Variants in SUPT3H observed in about 807,000 individuals in gnomAD.
SUPT3H encodes the protein SPT3 homolog, SAGA and STAGA complex component.
A neutral mutation model predicts 44.3 loss-of-function variants in SUPT3H; 44 were observed. The observed-to-expected ratio is 0.99, with a 90% CI of 0.78 to 1.28. The LOEUF (loss-of-function observed/expected upper bound fraction) is 1.28. Ranked by LOEUF, SUPT3H falls within the 50% of genes most tolerant of loss-of-function variation. The pLI, the probability that SUPT3H is intolerant of heterozygous loss-of-function variation, is 0.00. For synonymous variants in SUPT3H, 124 were observed against 125.6 expected, an observed-to-expected ratio of 0.99 and a Z score of 0.09; for missense variants, 380 against 387.1, an observed-to-expected ratio of 0.98 and a Z score of 0.15.
At chr6:44,892,232 A>T (rs1355773000) in intron 10 of SUPT3H, among the ~76,000 whole-genome samples, 1 of 152,260 alleles carries the variant, frequency 6.6e-6, no homozygotes, top group East Asian at 1.9e-4. Context: ...GGAGATAGTT[A>T]TAGTTAAATG....
At chr6:45,113,211 C>A (rs540176032) in intron 2 of SUPT3H, among the ~76,000 whole-genome samples, 4 of 151,958 alleles carry the variant, frequency 2.6e-5, no homozygotes, top group Admixed American at 1.3e-4. Flanking sequence ...GAATACCAGG[C>A]TACAGCCCTA....
intron 2 of SUPT3H, among the ~76,000 whole-genome samples, chr6:45,209,857 T>A (rs1456306610): frequency 6.6e-6 from 1 of 152,166 alleles, no homozygotes; most frequent in East Asian, 1.9e-4. Flanking sequence ...CATTGTTGTC[T>A]TATTTGAAGA....
chr6:45,247,690 A>ATT (rs10673729), intron 2 of SUPT3H, among the ~76,000 whole-genome samples: 42,225 of 144,688 alleles, frequency 0.29, 7,574 homozygotes, highest in East Asian at 0.56. Flanking sequence ...TTCTTTTTCC[A>ATT]TTTTTTTTTT....
At chr6:45,268,226 A>G (rs1361476681) in intron 2 of SUPT3H, among the ~76,000 whole-genome samples, 3 of 152,196 alleles carry the variant, frequency 2.0e-5, no homozygotes, top group Admixed American at 1.3e-4. Context: ...CAAATAATTT[A>G]TATCTTGTAA....
chr6:45,130,157 A>G (rs920083197), intron 2 of SUPT3H, among the ~76,000 whole-genome samples: 7 of 152,232 alleles, frequency 4.6e-5, no homozygotes, highest in Non-Finnish European at 8.8e-5. Context: ...GAAACTCTCT[A>G]CCCATTAGCA....
In SUPT3H at chr6:45,273,512, C is replaced by T. The variant is rs571379729; in HGVS notation, c.101+91689G>A. ...TCCATCTTAGTCCCTCAAACTAGAT[C>T]CTGTCATACATGTTATAACAAGTTA... On this transcript the variant is annotated intron_variant, in intron 2 of 10. Transcript: ENST00000371459. Among the ~76,000 whole-genome samples the T allele has an allele frequency of 1.2e-4, 19 of 152,260 alleles. No homozygotes were observed. In the South Asian group the frequency reaches 2.9e-3, roughly 23 times the overall value.
At chr6:44,861,421 C>CT (rs1774645532) in intron 10 of SUPT3H, among the ~76,000 whole-genome samples, 1 of 151,536 alleles carries the variant, frequency 6.6e-6, no homozygotes, top group Non-Finnish European at 1.5e-5. Context: ...GAGTCTCACT[C>CT]TGTCGCTCAG....
At chr6:45,193,630 C>T (rs368389224) in intron 2 of SUPT3H, among the ~76,000 whole-genome samples, 2 of 152,048 alleles carry the variant, frequency 1.3e-5, no homozygotes, top group East Asian at 3.9e-4. Context: ...GCAGGAGAAT[C>T]GCTTGAACCC....
At chr6:45,068,500 T>C (rs1219333352) in intron 3 of SUPT3H, among the ~76,000 whole-genome samples, 2 of 152,022 alleles carry the variant, frequency 1.3e-5, no homozygotes, top group Non-Finnish European at 2.9e-5. Context: ...TGGGTAGAGA[T>C]AAGGATAGGG....
intron 2 of SUPT3H, among the ~76,000 whole-genome samples, chr6:45,135,224 G>C (rs779393277): frequency 1.3e-5 from 2 of 152,090 alleles, no homozygotes; most frequent in African/African-American, 2.4e-5. Context: ...TTGCCTCAAA[G>C]GTCTCTAAAA....
At chr6:45,247,690 AT>A (rs10673729) in intron 2 of SUPT3H, among the ~76,000 whole-genome samples, 9,546 of 144,676 alleles carry the variant, frequency 0.066, 512 homozygotes, top group African/African-American at 0.15. Context: ...TTCTTTTTCC[AT>A]TTTTTTTTTT....
chr6:44,948,833 T>C (rs1275757426), intron 9 of SUPT3H, among the ~76,000 whole-genome samples: 2 of 152,212 alleles, frequency 1.3e-5, no homozygotes, highest in East Asian at 1.9e-4. Flanking sequence ...GACAGTGTGG[T>C]GATTCCTCAA....
intron 5 of SUPT3H, 53 bp from the exon 6 acceptor site, chr6:45,003,845 C>G: frequency 6.3e-7 from 1 of 1,584,610 alleles, no homozygotes. Flanking sequence ...AGGTTTACAT[C>G]AGCACTAATT....
intron 10 of SUPT3H, among the ~76,000 whole-genome samples, chr6:44,864,505 G>A (rs902183491): frequency 6.6e-6 from 1 of 152,200 alleles, no homozygotes; most frequent in African/African-American, 2.4e-5. Flanking sequence ...CTTTTGCCTG[G>A]ACATCCAGGT....
At chr6:45,029,016 G>A (rs537079257) in intron 3 of SUPT3H, among the ~76,000 whole-genome samples, 1 of 151,612 alleles carries the variant, frequency 6.6e-6, no homozygotes, top group East Asian at 1.9e-4. Flanking sequence ...TATTTGAAAG[G>A]AAATGTATTT....
chr6:45,216,070 C>A (rs1175262799), intron 2 of SUPT3H, among the ~76,000 whole-genome samples: 1 of 152,100 alleles, frequency 6.6e-6, no homozygotes, highest in Non-Finnish European at 1.5e-5. Context: ...CCAAGAATAT[C>A]ATACACAGCA....
intron 2 of SUPT3H, among the ~76,000 whole-genome samples, chr6:45,309,644 A>G (rs1180807097): frequency 1.3e-5 from 2 of 152,048 alleles, no homozygotes; most frequent in Non-Finnish European, 1.5e-5. Flanking sequence ...ATAGGCAGGG[A>G]AAAAAATCTC....
chr6:45,017,954 G>T (rs1189760941), intron 4 of SUPT3H, among the ~76,000 whole-genome samples: 1 of 150,402 alleles, frequency 6.6e-6, no homozygotes, highest in Non-Finnish European at 1.5e-5. Context: ...CCATTTTCAC[G>T]ATATTGATTC....
chr6:44,812,663 G>A (rs1766611918), intron 11 of SUPT3H, among the ~76,000 whole-genome samples: 1 of 152,158 alleles, frequency 6.6e-6, no homozygotes, highest in Non-Finnish European at 1.5e-5. Context: ...AATCCAGTGT[G>A]GCCAGGACTT....
Sources: allele counts gnomAD v4.1 joint callset (sites outside exome capture counted in the v4.1 genomes callset), GRCh38; gene constraint gnomAD v4.1.1; transcripts MANE v1.5; gene names NCBI Gene and HGNC (gene_info 2026-07-23, HGNC 2026-07-21).